RNASE12: variants seen among roughly 807,000 people sequenced by gnomAD.
RNASE12 encodes the protein ribonuclease A family member 12 (inactive), also known as probable inactive ribonuclease-like protein 12.
For synonymous variants in RNASE12, 55 were observed against 59.8 expected, an observed-to-expected ratio of 0.92 and a Z score of 0.37; for missense variants, 161 against 177.6, an observed-to-expected ratio of 0.91 and a Z score of 0.53.
chr14:20,590,292 G>T, exon 1 of RNASE12: 1 of 1,613,552 alleles, frequency 6.2e-7, no homozygotes, highest in Non-Finnish European at 8.5e-7. Context: ...ATTTAACATA[G>T]CCAAGGAAAC....
Position 20,590,558 on chromosome 14 carries a change from T to C in RNASE12, c.166A>G (p.Arg56Gly), listed in dbSNP as rs146144734. ...TTTTTACAAGTGTGGTCAGGTTCCC[T>C]GATAACTCTTTGTATGATCATGTGG... Residue 56 changes from arginine (R) to glycine (G), a missense_variant, in exon 1 of 1, where the codon AGG becomes GGG. Transcript: ENST00000556526. 4.3e-6 allele frequency: 7 copies of C among 1,614,152 alleles called. No individual in the cohort carries two copies. In the African/African-American group the frequency reaches 9.3e-5, roughly 22 times the overall value.
At chr14:20,590,865 C>T (rs1884563702), upstream of RNASE12, 3 of 1,458,442 alleles carry the variant, frequency 2.1e-6, no homozygotes, top group East Asian at 7.4e-5. Context: ...TTCCTTCTCT[C>T]CACTAATTAA....
At chr14:20,590,949 T>G, upstream of RNASE12, 1 of 1,406,104 alleles carries the variant, frequency 7.1e-7, no homozygotes, top group South Asian at 1.6e-5. Context: ...ATGCCAGCTC[T>G]CAGAGTTTGG....
At position 20,590,765 on chromosome 14, in the gene RNASE12, T is replaced by C. The variant is rs1201909988; in HGVS notation, c.-42A>G. Reference sequence around the variant, plus strand: ...TTCGCATCTTTGGCTTTGACTGCTGTTGAGTAAGGGAAGATAGAAAGTAGC... The same window carrying C: ...TTCGCATCTTTGGCTTTGACTGCTGCTGAGTAAGGGAAGATAGAAAGTAGC... On this transcript the variant is annotated 5_prime_UTR_variant, in exon 1 of 1. Coordinates refer to ENST00000556526, the Ensembl canonical transcript of RNASE12. 1.3e-6 allele frequency: 2 copies of C among 1,595,844 alleles called. No individual in the cohort carries two copies. The highest frequency in any genetic ancestry group is 1.7e-6 in the Non-Finnish European group (2 of 1,168,766).
Position 20,590,376 on chromosome 14 carries a change from G to T in RNASE12, c.348C>A (p.Tyr116Ter). 2 of 1,614,192 alleles carry T rather than the reference G, an allele frequency of 1.2e-6. No individual in the cohort carries two copies. The highest frequency in any genetic ancestry group is 1.7e-6 in the Non-Finnish European group (2 of 1,180,016). The change falls in exon 1 of 1, where the codon TAC becomes TAA. Residue 116 changes from tyrosine to a stop codon, truncating the protein, a stop_gained. Coordinates refer to ENST00000556526, the Ensembl canonical transcript of RNASE12. LOFTEE classifies it low-confidence loss of function (END_TRUNC). ...GGGAATAGTGGTACCTGCAGGCAGGGTATCTTGTGCCTTCAATGAGCTGAC... is the reference window on the plus strand; with the variant it reads ...GGGAATAGTGGTACCTGCAGGCAGGTTATCTTGTGCCTTCAATGAGCTGAC...
At chr14:20,590,596 G>A (rs763846095) in exon 1 of RNASE12, 2 of 1,614,102 alleles carry the variant, frequency 1.2e-6, no homozygotes, top group Non-Finnish European at 1.7e-6. Context: ...GCAGTACCTT[G>A]CAGGAACGGG....
chr14:20,591,164 A>G (rs2138902348), upstream of RNASE12: 2 of 984,784 alleles, frequency 2.0e-6, no homozygotes, highest in African/African-American at 1.7e-5. Flanking sequence ...CCAATTGCAC[A>G]TGATTTTAGT....
chr14:20,590,943 C>T, upstream of RNASE12: 2 of 1,410,150 alleles, frequency 1.4e-6, no homozygotes, highest in Non-Finnish European at 9.3e-7. Flanking sequence ...CTGAACATGC[C>T]AGCTCTCAGA....
At chr14:20,590,578 A>C (rs1204530275) in exon 1 of RNASE12, 2 of 1,614,238 alleles carry the variant, frequency 1.2e-6, no homozygotes, top group Admixed American at 1.7e-5. Flanking sequence ...TTGTATGATC[A>C]TGTGGTTGCA....
upstream of RNASE12, chr14:20,591,155 C>G: frequency 1.0e-6 from 1 of 985,148 alleles, no homozygotes; most frequent in Non-Finnish European, 1.2e-6. Flanking sequence ...TAAATCCACC[C>G]AATTGCACAT....
At chr14:20,590,573 T>C in exon 1 of RNASE12, 2 of 1,614,282 alleles carry the variant, frequency 1.2e-6, no homozygotes, top group Non-Finnish European at 1.7e-6. Flanking sequence ...ACTCTTTGTA[T>C]GATCATGTGG....
chr14:20,591,038 T>G, upstream of RNASE12: 1 of 985,368 alleles, frequency 1.0e-6, no homozygotes, highest in Middle Eastern at 5.2e-4. Flanking sequence ...CCACATCTCC[T>G]ATTTCTCAAA....
exon 1 of RNASE12, chr14:20,590,546 G>A: frequency 1.2e-6 from 2 of 1,614,232 alleles, no homozygotes; most frequent in South Asian, 2.2e-5. Flanking sequence ...TTACAAGTGT[G>A]GTCAGGTTCC....
exon 1 of RNASE12, chr14:20,590,231 TC>T (rs1884538874): frequency 6.3e-7 from 1 of 1,595,994 alleles, no homozygotes; most frequent in East Asian, 2.2e-5. Flanking sequence ...CACAGCCAGC[TC>T]CAATGCCATT....
chr14:20,591,143 C>G (rs1884572043), upstream of RNASE12: 1 of 985,212 alleles, frequency 1.0e-6, no homozygotes, highest in Admixed American at 6.1e-5. Flanking sequence ...TTTTCTCAAC[C>G]TTAAATCCAC....
chr14:20,590,739 C>T (rs1195087353), exon 1 of RNASE12: 1 of 1,607,088 alleles, frequency 6.2e-7, no homozygotes, highest in South Asian at 1.1e-5. Context: ...GTAAGAGTGA[C>T]TTCGCATCTT....
Position 20,590,634 on chromosome 14 carries a change from C to G in RNASE12, c.90G>C (p.Leu30Phe), listed in dbSNP as rs778638018. 2.5e-6 allele frequency: 4 copies of G among 1,614,242 alleles called. No homozygotes were observed. In the South Asian group the frequency reaches 4.4e-5, roughly 18 times the overall value. Reference sequence around the variant, plus strand: ...CGTCATTCTGAGGGTAGTCCACATGCAAGTGTTCTAAAGTTGACATCACTG... The same window carrying G: ...CGTCATTCTGAGGGTAGTCCACATGGAAGTGTTCTAAAGTTGACATCACTG... The change falls in exon 1 of 1, where the codon TTG becomes TTC. Residue 30 changes from leucine (L) to phenylalanine (F), a missense_variant. Physicochemically the swap from Leu to Phe is conservative, Grantham distance 22 (BLOSUM62 0). Coordinates refer to ENST00000556526, the Ensembl canonical transcript of RNASE12.
chr14:20,591,246 T>C (rs1884574820), upstream of RNASE12: 1 of 985,074 alleles, frequency 1.0e-6, no homozygotes, highest in South Asian at 4.7e-5. Flanking sequence ...GGCTCTGTGC[T>C]AGCTCCTCTC....
At chr14:20,590,854 T>C, upstream of RNASE12, 1 of 1,470,488 alleles carries the variant, frequency 6.8e-7, no homozygotes, top group South Asian at 1.4e-5. Flanking sequence ...GAATATTTTA[T>C]TTCCTTCTCT....
Sources: gnomAD v4.1 joint callset for allele counts on GRCh38, gnomAD v4.1.1 for gene constraint, MANE v1.5 for transcripts, NCBI Gene and HGNC (gene_info 2026-07-23, HGNC 2026-07-21) for gene names.